TOP2A: variants seen among roughly 807,000 people sequenced by gnomAD.
TOP2A encodes the protein DNA topoisomerase II alpha, also known as DNA topoisomerase 2-alpha.
A neutral mutation model predicts 187.2 loss-of-function variants in TOP2A; 68 were observed. That is an observed-to-expected ratio of 0.36 (90% confidence interval 0.30 to 0.44). The LOEUF (loss-of-function observed/expected upper bound fraction) is 0.44, where lower values mean the gene tolerates loss of function less well. Among genes scored for constraint, TOP2A ranks in the 20% least tolerant of loss-of-function variants. The probability of loss-of-function intolerance (pLI) is 1.00; values close to 1 mark genes in which losing one functional copy is unlikely to be tolerated. For missense variants in TOP2A, 1,196 were observed against 1,808.7 expected, an observed-to-expected ratio of 0.66 and a Z score of 6.14; for synonymous variants, 542 against 593.2, an observed-to-expected ratio of 0.91 and a Z score of 1.25.
chr17:40,398,606 T>C lies in TOP2A; in HGVS notation c.3489A>G (p.Pro1163=), dbSNP rs771765811. The C allele has an allele frequency of 1.3e-5, 20 of 1,593,872 alleles. No individual in the cohort carries two copies. Among genetic ancestry groups the C allele is most frequent in the African/African-American group, 2.7e-5 (2 of 74,822 alleles). The change falls in exon 27 of 35, where the codon CCA becomes CCG. Residue 1163 remains proline, a synonymous_variant. Transcript: ENST00000423485. ...QELDTLKRKS[P]SDLWKEDLAT... Reference sequence around the variant, plus strand: ...CCAAGTCTTCTTTCCACAAATCTGATGGACTCTTTCTTTTTAATGTGTCCA... The same window carrying C: ...CCAAGTCTTCTTTCCACAAATCTGACGGACTCTTTCTTTTTAATGTGTCCA...
At chr17:40,416,331 G>A (rs946007330) in intron 3 of TOP2A, 91 bp downstream of exon 3, 1 of 952,254 alleles carries the variant, frequency 1.1e-6, no homozygotes, top group Middle Eastern at 2.5e-4. Context: ...GATACTTTTT[G>A]TTTTTACTTT....
intron 10 of TOP2A, chr17:40,409,481 G>C (rs1305221765): frequency 2.2e-6 from 1 of 448,568 alleles, no homozygotes; most frequent in East Asian, 7.2e-5. Context: ...AGACATAGCT[G>C]GGTGCAGTGG....
intron 16 of TOP2A, 21 bp downstream of exon 16, chr17:40,406,363 T>G: frequency 6.3e-7 from 1 of 1,575,222 alleles, no homozygotes. Flanking sequence ...AGAATGTATA[T>G]AAAATACAAC....
In TOP2A at chr17:40,404,303, T is replaced by C; in HGVS notation, c.2162-30A>G. 2.5e-6 allele frequency: 4 copies of C among 1,609,930 alleles called. No homozygotes were observed. The South Asian group carries it at 4.4e-5, about 18-fold the overall frequency. ...AAAATGAAATAAGAGCAAACGTAAGTATCCTCAATTTAACCAATTTTGGAA... is the reference window on the plus strand; with the variant it reads ...AAAATGAAATAAGAGCAAACGTAAGCATCCTCAATTTAACCAATTTTGGAA... On this transcript the variant is annotated intron_variant, in intron 18 of 34. Transcript: ENST00000423485.
rs575665799 is a variant in TOP2A at position 40,413,232 on chromosome 17, T to A, written c.539A>T (p.Glu180Val). 19 of 1,565,966 alleles carry A rather than the reference T, an allele frequency of 1.2e-5. No homozygotes were observed. The South Asian group carries it at 2.0e-4, about 16-fold the overall frequency. ...TTTCTTGTATTCTCTACTGGCTGTT[T>A]CCACAGTAAATTTGGTACTGAATAT... is the stretch of plus-strand genomic sequence containing the variant. The part of the protein sequence containing the change: ...CNIFSTKFTV[E>V]TASREYKKMF... Residue 180 changes from glutamate to valine, a missense_variant, in exon 6 of 35, where the codon GAA becomes GTA. Glu to Val is a moderately radical substitution (Grantham distance 121). Coordinates refer to ENST00000423485, the MANE Select transcript of TOP2A (RefSeq NM_001067.4).
intron 29 of TOP2A, among the ~76,000 whole-genome samples, chr17:40,393,220 C>T (rs752138939): frequency 6.6e-6 from 1 of 151,424 alleles, no homozygotes; most frequent in Non-Finnish European, 1.5e-5. Context: ...ACTAGGGAGG[C>T]GGAGGCAGAG....
Position 40,398,602 on chromosome 17 carries a change from C to T in TOP2A, c.3493G>A (p.Asp1165Asn), listed in dbSNP as rs553900976. 5.7e-6 allele frequency: 9 copies of T among 1,592,212 alleles called. No individual in the cohort carries two copies. The highest frequency in any genetic ancestry group is 3.4e-5 in the South Asian group (3 of 88,764). The change falls in exon 27 of 35, where the codon GAT becomes AAT. Residue 1165 changes from aspartate (D) to asparagine (N), a missense_variant. Transcript: ENST00000423485. ...LDTLKRKSPS[D>N]LWKEDLATFI... The stretch of plus-strand genomic sequence containing the variant: ...GTAGCCAAGTCTTCTTTCCACAAAT[C>T]TGATGGACTCTTTCTTTTTAATGTG...
At chr17:40,409,554 T>C (rs1367947947) in intron 10 of TOP2A, 2 of 403,964 alleles carry the variant, frequency 5.0e-6, no homozygotes, top group East Asian at 1.6e-4. Flanking sequence ...AGGCCAGGAG[T>C]TCAAGACCAG....
At position 40,396,398 on chromosome 17, in the gene TOP2A, C is replaced by T. The variant is rs1229580995; in HGVS notation, c.3605G>A (p.Gly1202Glu). ...GLPGKGGKAK[G>E]KKTQMAEVLP... ...AACTTCAGCCATTTGTGTTTTTTTC[C>T]CCTTGGCCTTCCCCCCTTTCCCAGG... is the stretch of plus-strand genomic sequence containing the variant. Residue 1202 changes from glycine to glutamate, a missense_variant, in exon 28 of 35, where the codon GGG (glycine) becomes GAG (glutamate). Coordinates refer to ENST00000423485, the MANE Select transcript of TOP2A (RefSeq NM_001067.4). 2 of 1,613,656 alleles carry T rather than the reference C, an allele frequency of 1.2e-6. No individual in the cohort carries two copies. The highest frequency in any genetic ancestry group is 1.7e-5 in the Admixed American group (1 of 59,976).
rs538198959 is a variant in TOP2A at position 40,415,179 on chromosome 17, C to G, written c.332+826G>C. On this transcript the variant is annotated intron_variant, in intron 4 of 34. Coordinates refer to ENST00000423485, the MANE Select transcript of TOP2A (RefSeq NM_001067.4). ...ATGCCATTCTCCTGCCTCAGCCTCT[C>G]GAGTAGCTGGGACTACAGGCGCCCA... Among the ~76,000 whole-genome samples the G allele has an allele frequency of 2.6e-5, 4 of 151,336 alleles. No homozygotes were observed. In the East Asian group the frequency reaches 7.9e-4, roughly 30 times the overall value.
chr17:40,405,066 T>C (rs2035222223), intron 16 of TOP2A, among the ~76,000 whole-genome samples, 183 bp from the exon 17 acceptor site: 1 of 151,778 alleles, frequency 6.6e-6, no homozygotes, highest in Non-Finnish European at 1.5e-5. Context: ...CTTGGCTCAC[T>C]GCAACCTCTG....
In TOP2A at chr17:40,400,457, T is replaced by C. The variant is rs376278334; in HGVS notation, c.2800-48A>G. 4.4e-6 allele frequency: 7 copies of C among 1,605,616 alleles called. No homozygotes were observed. The African/African-American group carries it at 8.1e-5, about 19-fold the overall frequency. ...AGTTTCTAAAATATAGGCTTCTGAA[T>C]AGTCAACAGCAATAGTACAAAAGGT... On this transcript the variant is annotated intron_variant, in intron 22 of 34. Coordinates refer to ENST00000423485, the MANE Select transcript of TOP2A (RefSeq NM_001067.4).
At chr17:40,405,450 C>CTT (rs1472407909) in intron 16 of TOP2A, among the ~76,000 whole-genome samples, 1 of 117,544 alleles carries the variant, frequency 8.5e-6, no homozygotes, top group Non-Finnish European at 1.7e-5. Flanking sequence ...TGCGCCCGAC[C>CTT]TTTTTTGTTT....
chr17:40,391,385 A>C, intron 33 of TOP2A, 121 bp downstream of exon 33: 1 of 1,044,738 alleles, frequency 9.6e-7, no homozygotes, highest in East Asian at 2.7e-5. Flanking sequence ...ATTGCTTCCA[A>C]TTGGAAAACA....
At chr17:40,405,747 G>A (rs772938375) in intron 16 of TOP2A, among the ~76,000 whole-genome samples, 4 of 151,356 alleles carry the variant, frequency 2.6e-5, no homozygotes, top group Non-Finnish European at 5.9e-5. Flanking sequence ...GGCATTACAG[G>A]CGTGAGCCAC....
chr17:40,396,519 A>G, intron 27 of TOP2A, 54 bp from the exon 28 acceptor site: 1 of 1,573,468 alleles, frequency 6.4e-7, no homozygotes, highest in Non-Finnish European at 8.6e-7. Flanking sequence ...ACATTACAAT[A>G]TCTAAACACC....
intron 12 of TOP2A, 139 bp from the exon 13 acceptor site, chr17:40,407,813 T>A (rs1225008453): frequency 8.5e-7 from 1 of 1,171,954 alleles, no homozygotes; most frequent in Non-Finnish European, 1.2e-6. Context: ...ATCAGAAAGG[T>A]CTGTTAAAAT....
intron 16 of TOP2A, among the ~76,000 whole-genome samples, chr17:40,405,456 T>C (rs8080708): frequency 1.4e-5 from 1 of 69,216 alleles, no homozygotes; most frequent in Non-Finnish European, 3.1e-5. Flanking sequence ...CGACCTTTTT[T>C]GTTTTTTTTT....
chr17:40,397,531 C>T (rs1423896955), intron 27 of TOP2A, among the ~76,000 whole-genome samples: 1 of 151,958 alleles, frequency 6.6e-6, no homozygotes, highest in Non-Finnish European at 1.5e-5. Flanking sequence ...AGTGATCTGC[C>T]CACCTCAGCC....
Sources: allele counts gnomAD v4.1 joint callset (sites outside exome capture counted in the v4.1 genomes callset), GRCh38; gene constraint gnomAD v4.1.1; transcripts MANE v1.5; gene names NCBI Gene and HGNC (gene_info 2026-07-23, HGNC 2026-07-21).